Variants in AGBL4 observed in about 807,000 individuals in gnomAD.
The protein encoded by AGBL4 is cytosolic carboxypeptidase 6.
AGBL4 carries 58 observed loss-of-function variants against 66.4 expected under a neutral mutation model. The ratio of observed to expected loss-of-function variants is 0.87; its 90% confidence interval spans 0.71 to 1.09. The LOEUF (loss-of-function observed/expected upper bound fraction) is 1.09. Ranked by LOEUF, AGBL4 falls within the 50% of genes least tolerant of loss-of-function variation. The probability of loss-of-function intolerance (pLI) is 0.00; values close to 1 mark genes in which losing one functional copy is unlikely to be tolerated. For missense variants in AGBL4, 579 were observed against 631.0 expected (o/e 0.92, Z 0.88); for synonymous variants, 234 against 222.9 (o/e 1.05, Z -0.44).
chr1:49,404,775 A>G (rs1199117934), intron 3 of AGBL4, among the ~76,000 whole-genome samples: 1 of 152,212 alleles, frequency 6.6e-6, no homozygotes, highest in Non-Finnish European at 1.5e-5. Flanking sequence ...CATAACAAAT[A>G]AAACAAATCT....
intron 3 of AGBL4, among the ~76,000 whole-genome samples, chr1:49,567,868 C>T (rs1340029282): frequency 6.6e-6 from 1 of 152,206 alleles, no homozygotes; most frequent in Non-Finnish European, 1.5e-5. Context: ...ACAAAAACTA[C>T]ATGATCATTT....
intron 3 of AGBL4, among the ~76,000 whole-genome samples, chr1:49,495,210 A>G (rs1159375051): frequency 1.3e-5 from 2 of 152,106 alleles, no homozygotes; most frequent in Non-Finnish European, 2.9e-5. Context: ...TTTATCTAAC[A>G]AAAAGAAATC....
chr1:49,186,190 A>G (rs1647013211), intron 4 of AGBL4, among the ~76,000 whole-genome samples: 1 of 152,136 alleles, frequency 6.6e-6, no homozygotes, highest in East Asian at 1.9e-4. Context: ...TCCCCTATGC[A>G]TACATATTTC....
At chr1:49,810,763 G>A (rs1002986857) in intron 2 of AGBL4, among the ~76,000 whole-genome samples, 2 of 152,128 alleles carry the variant, frequency 1.3e-5, no homozygotes, top group Admixed American at 1.3e-4. Context: ...TCATTTAAAA[G>A]GCATTGGGAA....
At chr1:49,931,987 A>G (rs1437577369) in intron 1 of AGBL4, among the ~76,000 whole-genome samples, 2 of 152,210 alleles carry the variant, frequency 1.3e-5, no homozygotes, top group African/African-American at 2.4e-5. Context: ...AAACTCAAGA[A>G]AAACGTTTAG....
intron 11 of AGBL4, among the ~76,000 whole-genome samples, chr1:48,542,364 C>A (rs888453612): frequency 6.6e-6 from 1 of 152,064 alleles, no homozygotes. Context: ...CCCAGTAATG[C>A]GATTGCTGGA....
intron 2 of AGBL4, among the ~76,000 whole-genome samples, chr1:49,825,897 A>G (rs1645496739): frequency 6.6e-6 from 1 of 152,038 alleles, no homozygotes; most frequent in African/African-American, 2.4e-5. Flanking sequence ...GTTTCTCTGG[A>G]GAACCCTGAC....
At chr1:49,694,387 A>T (rs77478877) in intron 3 of AGBL4, among the ~76,000 whole-genome samples, 3,516 of 152,256 alleles carry the variant, frequency 0.023, 145 homozygotes, top group African/African-American at 0.08. Context: ...GCAGATCTTT[A>T]TGCCTTCTTG....
chr1:49,707,703 C>G (rs980836119), intron 2 of AGBL4, among the ~76,000 whole-genome samples: 5 of 151,908 alleles, frequency 3.3e-5, no homozygotes, highest in Admixed American at 2.6e-4. Context: ...GTTTTTCCTT[C>G]CCATATTTAG....
Position 49,035,421 on chromosome 1 carries a change from G to A in AGBL4, c.594+10163C>T, listed in dbSNP as rs142344588. Among the ~76,000 whole-genome samples, 966 of 152,272 alleles carry A rather than the reference G, an allele frequency of 6.3e-3. 15 individuals are homozygous for A. The highest frequency in any genetic ancestry group is 0.02 in the Middle Eastern group (6 of 294). Reference sequence around the variant, plus strand: ...AAGAAAAGAAAGTACACTTGGAGGAGCCAAGAGGGTGACTTGAAAGACAAG... The same window carrying A: ...AAGAAAAGAAAGTACACTTGGAGGAACCAAGAGGGTGACTTGAAAGACAAG... On this transcript the variant is annotated intron_variant, in intron 5 of 13. Coordinates refer to ENST00000371839, the MANE Select transcript of AGBL4 (RefSeq NM_032785.4).
chr1:49,005,294 T>G (rs1165968194), intron 5 of AGBL4, among the ~76,000 whole-genome samples: 1 of 152,208 alleles, frequency 6.6e-6, no homozygotes, highest in Non-Finnish European at 1.5e-5. Context: ...ATGGTTTCAG[T>G]TCCCCACAGT....
intron 5 of AGBL4, among the ~76,000 whole-genome samples, chr1:48,966,558 T>C (rs571495812): frequency 1.3e-5 from 2 of 152,244 alleles, no homozygotes; most frequent in Admixed American, 1.3e-4. Context: ...AAGAAAAGAA[T>C]ATACCCATTT....
chr1:49,690,304 AACCC>A (rs1307159448), intron 3 of AGBL4, among the ~76,000 whole-genome samples: 1 of 152,176 alleles, frequency 6.6e-6, no homozygotes, highest in Non-Finnish European at 1.5e-5. Flanking sequence ...TCTCGAACCA[AACCC>A]ACAATATCTC....
chr1:49,602,119 A>G (rs1340654500), intron 3 of AGBL4, among the ~76,000 whole-genome samples: 1 of 152,202 alleles, frequency 6.6e-6, no homozygotes, highest in African/African-American at 2.4e-5. Context: ...GTCATTAGAG[A>G]AATGCAATTG....
At chr1:48,870,011 C>T (rs547073399) in intron 5 of AGBL4, among the ~76,000 whole-genome samples, 80 of 152,116 alleles carry the variant, frequency 5.3e-4, no homozygotes, top group Non-Finnish European at 1.1e-3. Context: ...AACCTCCATG[C>T]CTTTGCTTAT....
Position 49,133,725 on chromosome 1 carries a change from TATTTATCCTCAGGA to T in AGBL4, c.378-87939_378-87926del, listed in dbSNP as rs575638226. Among the ~76,000 whole-genome samples the T allele has an allele frequency of 1.8e-3, 274 of 152,216 alleles. 1 individual carries two copies. The highest frequency in any genetic ancestry group is 6.4e-3 in the African/African-American group (266 of 41,564). ...TTGGTTCGGTAATATCCCTGCTAAA[TATTTATCCTCAGGA>T]AACAATTAAAACTGCATAGAAATTC... On this transcript the variant is annotated intron_variant, in intron 4 of 13. Coordinates refer to ENST00000371839, the MANE Select transcript of AGBL4 (RefSeq NM_032785.4).
intron 2 of AGBL4, among the ~76,000 whole-genome samples, chr1:49,765,223 G>C (rs1373206243): frequency 2.0e-5 from 3 of 151,846 alleles, no homozygotes; most frequent in African/African-American, 7.3e-5. Flanking sequence ...AGTAAACAAA[G>C]ATCAGTACAA....
chr1:48,587,152 A>G lies in AGBL4; in HGVS notation c.1119T>C (p.Phe373=), dbSNP rs1644835849. 6.4e-7 allele frequency: 1 copy of G among 1,554,264 alleles called. No individual in the cohort carries two copies. Among genetic ancestry groups the G allele is most frequent in the South Asian group, 1.2e-5 (1 of 84,150 alleles). ...TTCCTGCTTTCACAGCGTCCCGGTT[A>G]AAGGATGTGCTGGACTGTGAAAGAC... ...AEDFSYSSTS[F]NRDAVKAGTG... is the part of the protein sequence containing the mutation. The change falls in exon 11 of 14, where the codon TTT becomes TTC. Residue 373 remains phenylalanine, a synonymous_variant. Coordinates refer to ENST00000371839, the MANE Select transcript of AGBL4 (RefSeq NM_032785.4).
At chr1:48,680,939 C>T (rs1646445667) in intron 6 of AGBL4, among the ~76,000 whole-genome samples, 1 of 152,196 alleles carries the variant, frequency 6.6e-6, no homozygotes, top group Non-Finnish European at 1.5e-5. Flanking sequence ...AATCCCCAAA[C>T]TTGCATGAGT....
Sources: allele counts gnomAD v4.1 joint callset (sites outside exome capture counted in the v4.1 genomes callset), GRCh38; gene constraint gnomAD v4.1.1; transcripts MANE v1.5; gene names NCBI Gene and HGNC (gene_info 2026-07-23, HGNC 2026-07-21).